The following SLFN12L variants were observed in gnomAD, a reference collection of about 807,000 sequenced individuals.
SLFN12L encodes schlafen family member 12 like, also known as schlafen family member 12-like.
SLFN12L carries 34 observed loss-of-function variants against 34.8 expected under a neutral mutation model. That is an observed-to-expected ratio of 0.98 (90% confidence interval 0.74 to 1.30). The LOEUF (loss-of-function observed/expected upper bound fraction) is 1.30. Among genes scored for constraint, SLFN12L ranks in the 50% most tolerant of loss-of-function variants. The pLI is 0.00. For missense variants in SLFN12L, 703 were observed against 696.2 expected (o/e 1.01, Z -0.11); for synonymous variants, 259 against 247.5 (o/e 1.05, Z -0.44).
rs919263242 is a variant in SLFN12L at position 35,480,027 on chromosome 17, A to G, written c.255T>C (p.Asn85=). The change falls in exon 3 of 5, where the codon AAT becomes AAC. Residue 85 remains asparagine (N), a synonymous_variant. Coordinates refer to ENST00000628453, the MANE Select transcript of SLFN12L (RefSeq NM_001363830.2). ...GCAGAGCACACACAGCTCGTGAGAC[A>G]TTTTCATTCTGCTGTTTTCTCAGTT... ...DCQLRKQQNE[N]VSRAVCALLN... 5.0e-6 allele frequency: 8 copies of G among 1,613,994 alleles called. No homozygotes were observed. The Admixed American group carries it at 1.3e-4, about 27-fold the overall frequency.
chr17:35,487,596 C>T, intron 2 of SLFN12L: 1 of 954,562 alleles, frequency 1.0e-6, no homozygotes, highest in Non-Finnish European at 1.6e-6. Flanking sequence ...AGCGCGGGCC[C>T]TTAAGCAACT....
chr17:35,469,315 A>T lies in SLFN12L; in HGVS notation c.*5608T>A, dbSNP rs9910925. Among the ~76,000 whole-genome samples, 6 of 132,402 alleles carry T rather than the reference A, an allele frequency of 4.5e-5. No individual in the cohort carries two copies. The highest frequency in any genetic ancestry group is 1.4e-4 in the African/African-American group (5 of 34,830). The allele number at this position is 132,402 out of a possible 152,430, so 86.9% of individuals were successfully genotyped here. On this transcript the variant is annotated 3_prime_UTR_variant, in exon 5 of 5. Coordinates refer to ENST00000628453, the MANE Select transcript of SLFN12L (RefSeq NM_001363830.2). ...ATATATATATATAAAATATATATATATTATATATATAAATATATATATAAT... is the reference window on the plus strand; with the variant it reads ...ATATATATATATAAAATATATATATTTTATATATATAAATATATATATAAT...
At position 35,479,546 on chromosome 17, in the gene SLFN12L, C is replaced by T. The variant is rs1276395239; in HGVS notation, c.736G>A (p.Val246Ile). ...TCAGTCGAGAAGTTTTTTATTTCAACGTGTGTGGATTCAGTAAAGGTCAAT... is the reference window on the plus strand; with the variant it reads ...TCAGTCGAGAAGTTTTTTATTTCAATGTGTGTGGATTCAGTAAAGGTCAAT... ...EKLTFTESTH[V>I]EIKNFSTEKL... The change falls in exon 3 of 5, where the codon GTT becomes ATT. Residue 246 changes from valine to isoleucine, a missense_variant. Val to Ile is a conservative substitution (Grantham distance 29). Coordinates refer to ENST00000628453, the MANE Select transcript of SLFN12L (RefSeq NM_001363830.2). 2 of 1,614,066 alleles carry T rather than the reference C, an allele frequency of 1.2e-6. No individual in the cohort carries two copies. Among genetic ancestry groups the T allele is most frequent in the Non-Finnish European group, 1.7e-6 (2 of 1,180,012 alleles).
chr17:35,505,466 G>GC (rs949746873), intron 2 of SLFN12L, among the ~76,000 whole-genome samples: 2 of 152,214 alleles, frequency 1.3e-5, no homozygotes, highest in African/African-American at 2.4e-5. Context: ...AAACTTAAAG[G>GC]CCCCCCACGC....
chr17:35,511,570 T>TACACGCACACACATACAC (rs1915645730), intron 2 of SLFN12L, among the ~76,000 whole-genome samples: 1 of 101,622 alleles, frequency 9.8e-6, no homozygotes, highest in Admixed American at 1.2e-4. Context: ...ACCTCGTCTC[T>TACACGCACACACATACAC]ACACACACAC....
chr17:35,484,807 A>G (rs1914511234), intron 2 of SLFN12L, among the ~76,000 whole-genome samples: 1 of 152,116 alleles, frequency 6.6e-6, no homozygotes. Context: ...ATATTGACAG[A>G]GGCTCACAAA....
At position 35,522,701 on chromosome 17, in the gene SLFN12L, T is replaced by C; in HGVS notation, c.-337A>G. 1.2e-6 allele frequency: 2 copies of C among 1,614,130 alleles called. No homozygotes were observed. The highest frequency in any genetic ancestry group is 1.7e-6 in the Non-Finnish European group (2 of 1,180,008). On this transcript the variant is annotated 5_prime_UTR_variant, in exon 2 of 5. The change abolishes an upstream ATG in the 5' untranslated region. Coordinates refer to ENST00000628453, the MANE Select transcript of SLFN12L (RefSeq NM_001363830.2). The stretch of plus-strand genomic sequence containing the variant: ...CACACCTCCCCAGTGTAGCCCCCCA[T>C]GTTCACCAGCTTCTGCTTCAAAGTA...
rs1913809170 is a variant in SLFN12L, at chr17:35,471,545, A to G, written c.*3378T>C. ...GGTTCTAGATCCTTGAGGAATCGCC[A>G]CACTGTCTTCCACAATGGTTGAACT... On this transcript the variant is annotated 3_prime_UTR_variant, in exon 5 of 5. Transcript: ENST00000628453. 6.6e-6 allele frequency among the ~76,000 whole-genome samples: 1 copy of G among 152,224 alleles called. No individual in the cohort carries two copies. The highest frequency in any genetic ancestry group is 2.4e-5 in the African/African-American group (1 of 41,458).
At chr17:35,511,767 A>G (rs2142159042) in intron 2 of SLFN12L, among the ~76,000 whole-genome samples, 1 of 152,360 alleles carries the variant, frequency 6.6e-6, no homozygotes, top group Non-Finnish European at 1.5e-5. Flanking sequence ...ATGAAACAAA[A>G]TAAAATAAAT....
rs7225069 is a variant in SLFN12L at position 35,464,825 on chromosome 17, A to G, written c.*10098T>C. Among the ~76,000 whole-genome samples, 6,572 of 152,248 alleles carry G rather than the reference A, an allele frequency of 0.043. 350 individuals are homozygous for G. Among genetic ancestry groups the G allele is most frequent in the East Asian group, 0.13 (688 of 5,180 alleles). ...ACCAAAGAATTTATATAACAAAAAG[A>G]TAGCTAAGGTCGTGATTGGGTTTAG... On this transcript the variant is annotated 3_prime_UTR_variant, in exon 5 of 5. Coordinates refer to ENST00000628453, the MANE Select transcript of SLFN12L (RefSeq NM_001363830.2).
chr17:35,490,019 A>G, intron 2 of SLFN12L: 1 of 1,597,414 alleles, frequency 6.3e-7, no homozygotes, highest in Non-Finnish European at 8.6e-7. Flanking sequence ...CCAGATCCTC[A>G]CCACGAACAC....
At chr17:35,495,783 G>A (rs188097677) in intron 2 of SLFN12L, among the ~76,000 whole-genome samples, 13 of 151,780 alleles carry the variant, frequency 8.6e-5, no homozygotes, top group African/African-American at 3.1e-4. Context: ...ACCAACTGGC[G>A]CTGTCCTTCG....
At chr17:35,487,343 T>G (rs906852897) in intron 2 of SLFN12L, among the ~76,000 whole-genome samples, 1 of 152,236 alleles carries the variant, frequency 6.6e-6, no homozygotes, top group Non-Finnish European at 1.5e-5. Context: ...CAGCCTGCGG[T>G]TTTGACAGAC....
At chr17:35,499,800 C>T (rs1417023771) in intron 2 of SLFN12L, 1 of 207,658 alleles carries the variant, frequency 4.8e-6, no homozygotes, top group African/African-American at 2.4e-5. Flanking sequence ...AGTCAGTGTT[C>T]AACCTTTTTT....
intron 2 of SLFN12L, among the ~76,000 whole-genome samples, chr17:35,500,927 T>A (rs1915273045): frequency 6.6e-6 from 1 of 152,204 alleles, no homozygotes; most frequent in Non-Finnish European, 1.5e-5. Flanking sequence ...CTTGGAGTTG[T>A]AAGCCCTTAA....
chr17:35,475,062 C>T lies in SLFN12L; in HGVS notation c.1700G>A (p.Trp567Ter). ...GTCTTTCATTGTTTGAGCTGTTGTC[C>T]AATAGTAGGATTCAGGGTAAATTAC... ...SQVIYPESYY[W>*]TTAQTMKDLE... The change falls in exon 5 of 5, where the codon TGG (tryptophan) becomes TAG (stop). Residue 567 changes from tryptophan to a stop codon, truncating the protein, a stop_gained. Transcript: ENST00000628453. LOFTEE classifies it low-confidence loss of function (END_TRUNC). The T allele has an allele frequency of 1.2e-6, 2 of 1,613,622 alleles. No individual in the cohort carries two copies. Among genetic ancestry groups the T allele is most frequent in the Non-Finnish European group, 1.7e-6 (2 of 1,179,762 alleles).
chr17:35,531,286 G>A (rs1239963155), intron 1 of SLFN12L, among the ~76,000 whole-genome samples: 3 of 152,054 alleles, frequency 2.0e-5, no homozygotes, highest in Non-Finnish European at 4.4e-5. Context: ...TTATTTTAAA[G>A]AAATGAACAA....
intron 2 of SLFN12L, among the ~76,000 whole-genome samples, chr17:35,489,087 A>G (rs781077666): frequency 1.3e-5 from 2 of 151,978 alleles, no homozygotes; most frequent in Non-Finnish European, 2.9e-5. Flanking sequence ...AAACAAAACA[A>G]AAGTACATAG....
rs564345693 is a variant in SLFN12L at position 35,524,693 on chromosome 17, C to T, written c.-605-1724G>A. The stretch of plus-strand genomic sequence containing the variant: ...GACTAGCACATCCACTCAGAGACCC[C>T]ATCTGAAGGTCACCAACATCAAAGA... On this transcript the variant is annotated intron_variant, in intron 1 of 4. Transcript: ENST00000628453. 9.2e-4 allele frequency among the ~76,000 whole-genome samples: 140 copies of T among 152,216 alleles called. 1 individual carries two copies. Among genetic ancestry groups the T allele is most frequent in the East Asian group, 5.8e-4 (3 of 5,172 alleles).
Sources: gnomAD v4.1 joint callset for allele counts (sites outside exome capture counted in the v4.1 genomes callset) on GRCh38, gnomAD v4.1.1 for gene constraint, MANE v1.5 for transcripts, NCBI Gene and HGNC (gene_info 2026-07-23, HGNC 2026-07-21) for gene names.